The following NALCN variants were observed in gnomAD, a reference collection of about 807,000 sequenced individuals.
The protein encoded by NALCN is sodium leak channel NALCN.
A neutral mutation model predicts 225.3 loss-of-function variants in NALCN; 111 were observed. That is an observed-to-expected ratio of 0.49 (90% CI 0.42 to 0.58). The LOEUF is 0.58. Among genes scored for constraint, NALCN ranks in the 20% least tolerant of loss-of-function variants. NALCN has a pLI of 0.00. For synonymous variants in NALCN, 764 were observed against 769.0 expected (o/e 0.99, Z 0.11); for missense variants, 1,378 against 2,202.4 (o/e 0.63, Z 7.49).
intron 6 of NALCN, among the ~76,000 whole-genome samples, chr13:101,366,189 T>G (rs917290127): frequency 6.6e-6 from 1 of 152,178 alleles, no homozygotes; most frequent in African/African-American, 2.4e-5. Context: ...ATCTCATTAC[T>G]CTTTTCATAA....
chr13:101,411,345 CT>C (rs35728574), intron 1 of NALCN, among the ~76,000 whole-genome samples: 24,857 of 138,032 alleles, frequency 0.18, 1,991 homozygotes, highest in South Asian at 0.24. Context: ...AAGCATCAGA[CT>C]TTTTTTTTTT....
chr13:101,394,323 A>T (rs2047223481), intron 3 of NALCN, among the ~76,000 whole-genome samples: 1 of 152,236 alleles, frequency 6.6e-6, no homozygotes, highest in Non-Finnish European at 1.5e-5. Context: ...TATGTGTTAT[A>T]TATTGTCTCA....
chr13:101,332,107 G>A (rs1239228346), intron 7 of NALCN, among the ~76,000 whole-genome samples: 2 of 152,028 alleles, frequency 1.3e-5, no homozygotes, highest in East Asian at 3.9e-4. Context: ...TTAAAGACAT[G>A]GAGGATAGAA....
Position 101,083,084 on chromosome 13 carries a change from C to G in NALCN, c.3690+8G>C. 1 of 1,613,426 alleles carries G rather than the reference C, an allele frequency of 6.2e-7. No individual in the cohort carries two copies. Among genetic ancestry groups the G allele is most frequent in the South Asian group, 1.1e-5 (1 of 90,990 alleles). On this transcript the variant is annotated splice_region_variant and intron_variant, in intron 32 of 43. Coordinates refer to ENST00000251127, the MANE Select transcript of NALCN (RefSeq NM_052867.4). ...TCATTCCCGGAGTCTTAGGGTGAAACGAAGTACCTTGACAGAGAGCAACAC... is the reference window on the plus strand; with the variant it reads ...TCATTCCCGGAGTCTTAGGGTGAAAGGAAGTACCTTGACAGAGAGCAACAC...
chr13:101,265,615 T>C (rs1555326135), intron 10 of NALCN, among the ~76,000 whole-genome samples: 2 of 152,228 alleles, frequency 1.3e-5, no homozygotes. Flanking sequence ...TCTGGAGTGC[T>C]TGGTTTGTGC....
chr13:101,062,519 G>A (rs956450894), intron 40 of NALCN, among the ~76,000 whole-genome samples: 1 of 152,022 alleles, frequency 6.6e-6, no homozygotes, highest in Non-Finnish European at 1.5e-5. Flanking sequence ...TAATATGCTC[G>A]GCTGTGCGTC....
chr13:101,247,303 T>C (rs2041925209), intron 11 of NALCN, among the ~76,000 whole-genome samples: 1 of 152,170 alleles, frequency 6.6e-6, no homozygotes, highest in African/African-American at 2.4e-5. Context: ...AGATATTTTA[T>C]GGAATATAGA....
Position 101,305,192 on chromosome 13 carries a change from G to A in NALCN, c.800-12826C>T, listed in dbSNP as rs574529388. Among the ~76,000 whole-genome samples, 88 of 152,250 alleles carry A rather than the reference G, an allele frequency of 5.8e-4. 3 individuals are homozygous for A. The South Asian group carries it at 0.015, about 26-fold the overall frequency. The stretch of plus-strand genomic sequence containing the variant: ...TTAGGAATGAGAGGGCAGGTCAAAC[G>A]TTGTCTCTTATTGGGACATGAAGAA... On this transcript the variant is annotated intron_variant, in intron 7 of 43. Coordinates refer to ENST00000251127, the MANE Select transcript of NALCN (RefSeq NM_052867.4).
intron 14 of NALCN, chr13:101,180,268 G>A (rs1251721008): frequency 7.0e-6 from 1 of 141,902 alleles, no homozygotes; most frequent in Non-Finnish European, 1.5e-5. Context: ...GTGCAGTGGT[G>A]TGATCTCAAC....
chr13:101,106,571 C>T (rs1050947127), intron 22 of NALCN, among the ~76,000 whole-genome samples: 2 of 152,120 alleles, frequency 1.3e-5, no homozygotes, highest in African/African-American at 2.4e-5. Context: ...TGGTAGCTCC[C>T]ATAATTCCCA....
At chr13:101,273,083 T>C (rs147530667) in intron 10 of NALCN, among the ~76,000 whole-genome samples, 1 of 152,354 alleles carries the variant, frequency 6.6e-6, no homozygotes, top group Non-Finnish European at 1.5e-5. Flanking sequence ...CCACGTCTCA[T>C]GCATATGTAC....
chr13:101,168,093 ACCT>A (rs971549098), intron 15 of NALCN, among the ~76,000 whole-genome samples: 2 of 151,862 alleles, frequency 1.3e-5, no homozygotes, highest in Non-Finnish European at 2.9e-5. Flanking sequence ...AAACTCTTTC[ACCT>A]TTTGATCTTG....
chr13:101,231,596 G>T, intron 12 of NALCN, among the ~76,000 whole-genome samples: 1 of 152,082 alleles, frequency 6.6e-6, no homozygotes, highest in East Asian at 1.9e-4. Context: ...CCCAAATTCA[G>T]AGATATTAAC....
chr13:101,081,481 C>T (rs777992598), intron 34 of NALCN, 46 bp downstream of exon 34: 1 of 1,612,914 alleles, frequency 6.2e-7, no homozygotes, highest in East Asian at 2.2e-5. Context: ...CAGAACTGAA[C>T]CAAACTGAAA....
At position 101,304,810 on chromosome 13, in the gene NALCN, C is replaced by T. The variant is rs1386862425; in HGVS notation, c.800-12444G>A. 2.9e-5 allele frequency among the ~76,000 whole-genome samples: 4 copies of T among 137,486 alleles called. No individual in the cohort carries two copies. The South Asian group carries it at 6.9e-4, about 24-fold the overall frequency. The allele number at this position is 137,486 out of a possible 152,430, so 90.2% of individuals were successfully genotyped here. On this transcript the variant is annotated intron_variant, in intron 7 of 43. Transcript: ENST00000251127. ...CTTGCTCTGTTGCCAGGCTAGGGTG[C>T]GGTGGCTGGATCTCAGCTCGCTGCA...
chr13:101,123,982 T>A (rs549041478), intron 18 of NALCN, among the ~76,000 whole-genome samples: 1 of 152,224 alleles, frequency 6.6e-6, no homozygotes, highest in African/African-American at 2.4e-5. Context: ...CATCTACATA[T>A]GTCTATGTAA....
intron 28 of NALCN, among the ~76,000 whole-genome samples, chr13:101,094,709 G>A (rs1187157222): frequency 6.6e-6 from 1 of 151,886 alleles, no homozygotes; most frequent in East Asian, 1.9e-4. Context: ...GCATTCTATT[G>A]GATTACGTAT....
chr13:101,249,840 C>T lies in NALCN; in HGVS notation c.1266+8603G>A, dbSNP rs533479945. On this transcript the variant is annotated intron_variant, in intron 11 of 43. Coordinates refer to ENST00000251127, the MANE Select transcript of NALCN (RefSeq NM_052867.4). ...TATCAAAATATAGAAAAACACCCAGCATGTCCACTATCACTGCCTCTATTC... is the reference window on the plus strand; with the variant it reads ...TATCAAAATATAGAAAAACACCCAGTATGTCCACTATCACTGCCTCTATTC... Among the ~76,000 whole-genome samples the T allele has an allele frequency of 1.9e-3, 291 of 152,194 alleles. 2 individuals are homozygous for T. Among genetic ancestry groups the T allele is most frequent in the African/African-American group, 6.8e-3 (282 of 41,544 alleles).
intron 14 of NALCN, among the ~76,000 whole-genome samples, chr13:101,189,616 T>C (rs1163163788): frequency 2.0e-5 from 3 of 152,218 alleles, no homozygotes; most frequent in East Asian, 3.8e-4. Flanking sequence ...AGCTAGAACC[T>C]GAATCTGGAT....
Sources: gnomAD v4.1 joint callset for allele counts (sites outside exome capture counted in the v4.1 genomes callset) on GRCh38, gnomAD v4.1.1 for gene constraint, MANE v1.5 for transcripts, NCBI Gene and HGNC (gene_info 2026-07-23, HGNC 2026-07-21) for gene names.